Variants in GAK observed in about 807,000 individuals in gnomAD.
The protein encoded by GAK is cyclin-G-associated kinase.
A neutral mutation model predicts 143.9 loss-of-function variants in GAK; 79 were observed. The ratio of observed to expected loss-of-function variants is 0.55; its 90% confidence interval spans 0.46 to 0.66. GAK has a LOEUF of 0.66. Among genes scored for constraint, GAK ranks in the 30% least tolerant of loss-of-function variants. The probability of loss-of-function intolerance (pLI) is 0.00; values close to 1 mark genes in which losing one functional copy is unlikely to be tolerated. For synonymous variants in GAK, 881 were observed against 765.5 expected (o/e 1.15, Z -2.49); for missense variants, 1,693 against 1,779.7 (o/e 0.95, Z 0.88).
rs75808664 is a variant in GAK at position 877,779 on chromosome 4, C to T, written c.1692G>A (p.Ala564=). The T allele has an allele frequency of 2.1e-5, 34 of 1,609,504 alleles. No homozygotes were observed. Among genetic ancestry groups the T allele is most frequent in the East Asian group, 1.8e-4 (8 of 44,732 alleles). Residue 564 remains alanine (A), a synonymous_variant, in exon 16 of 28, where the codon GCG becomes GCA. Transcript: ENST00000314167. ...RYIEYMCDMV[A]EEPITPHSKP... is the part of the protein sequence containing the mutation. ...TGCTGTGGGGTGTGATGGGCTCCTC[C>T]GCCACCATGTCACACATGTACTCGA...
At chr4:902,926 T>C (rs1720212997) in intron 5 of GAK, among the ~76,000 whole-genome samples, 1 of 152,016 alleles carries the variant, frequency 6.6e-6, no homozygotes. Context: ...ATAACAAACA[T>C]TCAACTTCAT....
At position 849,418 on chromosome 4, in the gene GAK, A is replaced by G; in HGVS notation, c.*255T>C. 1 of 541,206 alleles carries G rather than the reference A, an allele frequency of 1.8e-6. No homozygotes were observed. Among genetic ancestry groups the G allele is most frequent in the Non-Finnish European group, 3.3e-6 (1 of 299,906 alleles). The allele number at this position is 541,206 out of a possible 1,614,324, so 33.5% of individuals were successfully genotyped here. ...GAGGCCACGCCCGAAACACCAAATA[A>G]ATCACAGACGTGACAATTGCGGGAG... On this transcript the variant is annotated 3_prime_UTR_variant, in exon 28 of 28. Coordinates refer to ENST00000314167, the MANE Select transcript of GAK (RefSeq NM_005255.4).
intron 27 of GAK, 53 bp downstream of exon 27, chr4:849,839 C>A (rs1747767591): frequency 7.1e-6 from 8 of 1,124,892 alleles, no homozygotes; most frequent in Non-Finnish European, 9.0e-6. Context: ...GCAGGACCCC[C>A]CCCCCGCCCC....
chr4:883,697 G>A (rs947973529), intron 12 of GAK, among the ~76,000 whole-genome samples: 2 of 152,252 alleles, frequency 1.3e-5, no homozygotes, highest in Non-Finnish European at 2.9e-5. Flanking sequence ...TCCTGAGACA[G>A]CTTTCTGACA....
chr4:910,094 TG>T (rs1721780284), intron 4 of GAK, among the ~76,000 whole-genome samples: 1 of 152,148 alleles, frequency 6.6e-6, no homozygotes, highest in Non-Finnish European at 1.5e-5. Flanking sequence ...CAGAGAAGCA[TG>T]GGCAGAGCCA....
intron 1 of GAK, among the ~76,000 whole-genome samples, chr4:920,634 C>G (rs2152962978): frequency 6.6e-6 from 1 of 150,794 alleles, no homozygotes; most frequent in African/African-American, 2.4e-5. Flanking sequence ...ACCTCCGCCT[C>G]CCGGGTTCAA....
intron 23 of GAK, among the ~76,000 whole-genome samples, chr4:864,061 T>C (rs1169397704): frequency 6.7e-6 from 1 of 150,368 alleles, no homozygotes; most frequent in Non-Finnish European, 1.5e-5. Context: ...TACAGTATAA[T>C]GTAAATATAA....
At chr4:926,343 T>C (rs1365975638) in intron 1 of GAK, among the ~76,000 whole-genome samples, 1 of 152,166 alleles carries the variant, frequency 6.6e-6, no homozygotes, top group East Asian at 1.9e-4. Flanking sequence ...CAGCCTCTAC[T>C]ACCTTATATG....
At chr4:876,884 A>G (rs1003543968) in intron 17 of GAK, among the ~76,000 whole-genome samples, 4 of 152,376 alleles carry the variant, frequency 2.6e-5, no homozygotes, top group Non-Finnish European at 5.9e-5. Context: ...TGGAAACGCC[A>G]GGCTTTTCAG....
chr4:859,106 A>G, intron 24 of GAK: 2 of 931,878 alleles, frequency 2.1e-6, no homozygotes, highest in Non-Finnish European at 2.6e-6. Flanking sequence ...GGTCAGCCCA[A>G]GGAGACTTGA....
At chr4:869,442 C>T in intron 19 of GAK, 1 of 142,394 alleles carries the variant, frequency 7.0e-6, no homozygotes, top group Non-Finnish European at 1.5e-5. Flanking sequence ...ATGCACAGTA[C>T]ACAGGAATGC....
intron 6 of GAK, 50 bp downstream of exon 6, chr4:897,983 G>C (rs368757906): frequency 1.3e-6 from 2 of 1,575,074 alleles, no homozygotes; most frequent in Non-Finnish European, 1.7e-6. Context: ...CTCAGGGCGT[G>C]GAATGTGGGA....
At chr4:910,375 G>C (rs1721835064) in intron 4 of GAK, among the ~76,000 whole-genome samples, 1 of 108,478 alleles carries the variant, frequency 9.2e-6, no homozygotes, top group African/African-American at 3.8e-5. Flanking sequence ...CCCCCACAAA[G>C]CACGGGATGC....
At chr4:874,421 C>A (rs991527204) in intron 18 of GAK, among the ~76,000 whole-genome samples, 1 of 152,188 alleles carries the variant, frequency 6.6e-6, no homozygotes, top group East Asian at 1.9e-4. Flanking sequence ...TCAACTCTCT[C>A]ATCCTTTGCT....
rs1750362592 is a variant in GAK, at chr4:862,001, G to A, written c.3167-2279C>T. ...CTGCAACGTACAAGTGCAAGGTGAA[G>A]CAGCAAGCGCTGACGGGGAAGCTGC... On this transcript the variant is annotated intron_variant, in intron 23 of 27. Transcript: ENST00000314167. Among the ~76,000 whole-genome samples the A allele has an allele frequency of 2.6e-5, 4 of 152,382 alleles. 1 individual carries two copies. Among genetic ancestry groups the A allele is most frequent in the Admixed American group, 2.6e-4 (4 of 15,306 alleles).
chr4:849,840 C>A, intron 27 of GAK, 52 bp downstream of exon 27: 3 of 1,163,086 alleles, frequency 2.6e-6, no homozygotes, highest in South Asian at 1.3e-5. Flanking sequence ...CAGGACCCCC[C>A]CCCCGCCCCG....
chr4:879,722 A>G (rs1714714035), intron 15 of GAK, among the ~76,000 whole-genome samples: 1 of 152,158 alleles, frequency 6.6e-6, no homozygotes, highest in African/African-American at 2.4e-5. Flanking sequence ...TCTGTTACTC[A>G]TTCTGGGAAA....
At chr4:849,807 T>C (rs774012940) in intron 27 of GAK, 33 bp from the exon 28 acceptor site, 4 of 1,587,062 alleles carry the variant, frequency 2.5e-6, no homozygotes, top group African/African-American at 1.4e-5. Flanking sequence ...GCGCCTCTTA[T>C]AAGCATGCGG....
chr4:902,596 CAA>C (rs768017849), intron 5 of GAK, among the ~76,000 whole-genome samples: 12 of 60,712 alleles, frequency 2.0e-4, no homozygotes, highest in East Asian at 5.4e-4. Flanking sequence ...GTGACTGACT[CAA>C]AAAAAAAAAA....
Sources: allele counts gnomAD v4.1 joint callset (sites outside exome capture counted in the v4.1 genomes callset), GRCh38; gene constraint gnomAD v4.1.1; transcripts MANE v1.5; gene names NCBI Gene and HGNC (gene_info 2026-07-23, HGNC 2026-07-21).